Variants in ZIC4 observed in about 807,000 individuals in gnomAD.
ZIC4 encodes the protein zinc finger protein ZIC 4.
In ZIC4, 15 loss-of-function variants were observed where a neutral mutation model predicts 28.8. The observed-to-expected ratio is 0.52, with a 90% CI of 0.35 to 0.80. ZIC4 has a LOEUF of 0.80. Among genes scored for constraint, ZIC4 ranks in the 30% least tolerant of loss-of-function variants. The pLI is 0.01. For missense variants in ZIC4, 512 were observed against 467.1 expected, an observed-to-expected ratio of 1.10 and a Z score of -0.89; for synonymous variants, 220 against 198.1, an observed-to-expected ratio of 1.11 and a Z score of -0.93.
Position 147,392,049 on chromosome 3 carries a change from C to G in ZIC4, c.689-803G>C, listed in dbSNP as rs566799487. On this transcript the variant is annotated intron_variant, in intron 3 of 4. Transcript: ENST00000383075. ...GCTGCTCCAGAGGCTTCCTGGAGACCGTGCTGTGGGCAGCTGGCCCTCCCA... is the reference window on the plus strand; with the variant it reads ...GCTGCTCCAGAGGCTTCCTGGAGACGGTGCTGTGGGCAGCTGGCCCTCCCA... 4.0e-3 allele frequency: 3,946 copies of G among 985,516 alleles called. 16 individuals are homozygous for G. Among genetic ancestry groups the G allele is most frequent in the Non-Finnish European group, 4.5e-3 (3,757 of 830,004 alleles). 61.0% of individuals were successfully genotyped at this position (985,516 alleles called of 1,614,324 possible).
chr3:147,404,305 T>C, intron 1 of ZIC4: 1 of 1,410,186 alleles, frequency 7.1e-7, no homozygotes, highest in Non-Finnish European at 9.2e-7. Context: ...TGTCAGCCTT[T>C]TGTGCACTAC....
chr3:147,389,192 C>A (rs1237456661), intron 4 of ZIC4: 4 of 392,346 alleles, frequency 1.0e-5, no homozygotes, highest in Non-Finnish European at 1.8e-5. Context: ...AGGACGGATT[C>A]ACTAAAGGTG....
At chr3:147,404,528 C>T (rs927249588) in intron 1 of ZIC4, among the ~76,000 whole-genome samples, 1 of 152,186 alleles carries the variant, frequency 6.6e-6, no homozygotes, top group Non-Finnish European at 1.5e-5. Flanking sequence ...TCCTGGGGCC[C>T]GTGGACCTGA....
intron 2 of ZIC4, among the ~76,000 whole-genome samples, chr3:147,400,463 A>T (rs2087142042): frequency 6.6e-6 from 1 of 152,192 alleles, no homozygotes; most frequent in Admixed American, 6.5e-5. Context: ...AGCTGAAAAC[A>T]TCTGGACCCA....
At position 147,399,133 on chromosome 3, in the gene ZIC4, C is replaced by T. The variant is rs372477375; in HGVS notation, c.71-2664G>A. The stretch of plus-strand genomic sequence containing the variant: ...GAAGAGTATTTGACTGCCAGACCCC[C>T]ACTCCCTACTCTCAAAACCAAGGGC... On this transcript the variant is annotated intron_variant, in intron 2 of 4. Coordinates refer to ENST00000383075, the MANE Select transcript of ZIC4 (RefSeq NM_032153.6). Among the ~76,000 whole-genome samples, 185 of 152,192 alleles carry T rather than the reference C, an allele frequency of 1.2e-3. 5 individuals carry two copies. In the South Asian group the frequency reaches 0.036, roughly 30 times the overall value.
chr3:147,395,910 C>A lies in ZIC4; in HGVS notation c.630G>T (p.Gly210=). The A allele has an allele frequency of 6.2e-7, 1 of 1,614,234 alleles. No individual in the cohort carries two copies. Among genetic ancestry groups the A allele is most frequent in the Non-Finnish European group, 8.5e-7 (1 of 1,180,050 alleles). The part of the protein sequence containing the change: ...GEKPFPCPFP[G]CGKVFARSEN... ...CTGATCTAGCAAAGACCTTCCCACA[C>A]CCCGGGAAAGGACAAGGGAAGGGCT... is the stretch of plus-strand genomic sequence containing the variant. Residue 210 remains glycine (G), a synonymous_variant, in exon 3 of 5, where the codon GGG becomes GGT. Transcript: ENST00000383075.
intron 3 of ZIC4, among the ~76,000 whole-genome samples, chr3:147,394,746 C>T (rs2087003050): frequency 6.6e-6 from 1 of 152,226 alleles, no homozygotes; most frequent in Non-Finnish European, 1.5e-5. Flanking sequence ...GGACTTTGGT[C>T]TGGTCTCCGC....
chr3:147,386,215 A>G lies in ZIC4; in HGVS notation c.*2644T>C, dbSNP rs2086795255. ...GGCTTTCAACTTTGTTGTTCATTCA[A>G]CAATCACTTTCAGTCAAACAACTTT... On this transcript the variant is annotated 3_prime_UTR_variant, in exon 5 of 5. Coordinates refer to ENST00000383075, the MANE Select transcript of ZIC4 (RefSeq NM_032153.6). The G allele has an allele frequency of 6.6e-6, 1 of 152,246 alleles. No homozygotes were observed. The highest frequency in any genetic ancestry group is 2.4e-5 in the African/African-American group (1 of 41,462). 9.4% of individuals were successfully genotyped at this position (152,246 alleles called of 1,614,324 possible).
At chr3:147,399,051 G>A (rs990559304) in intron 2 of ZIC4, among the ~76,000 whole-genome samples, 2 of 151,720 alleles carry the variant, frequency 1.3e-5, no homozygotes, top group African/African-American at 4.8e-5. Flanking sequence ...CCTACAGGAA[G>A]AGCTTGGATA....
At position 147,405,080 on chromosome 3, in the gene ZIC4, C is replaced by A. The variant is rs529174169; in HGVS notation, c.-16+1283G>T. Among the ~76,000 whole-genome samples, 3 of 152,362 alleles carry A rather than the reference C, an allele frequency of 2.0e-5. No homozygotes were observed. In the East Asian group the frequency reaches 5.8e-4, roughly 29 times the overall value. ...ACCTTTCTGGCTCCCCTCCATTCGA[C>A]CCTCAAGCGCCAGGAGTTTGCTGAG... On this transcript the variant is annotated intron_variant, in intron 1 of 4. Coordinates refer to ENST00000383075, the MANE Select transcript of ZIC4 (RefSeq NM_032153.6).
intron 2 of ZIC4, among the ~76,000 whole-genome samples, chr3:147,398,390 C>G (rs2087095474): frequency 6.6e-6 from 1 of 152,072 alleles, no homozygotes; most frequent in African/African-American, 2.4e-5. Flanking sequence ...CCTGCAGGCC[C>G]GTGGCCGCCT....
In ZIC4 at chr3:147,388,859, T is replaced by C. The variant is rs2086848552; in HGVS notation, c.1005A>G (p.Ter335TrpextTer15). The C allele has an allele frequency of 1.3e-6, 1 of 780,180 alleles. No homozygotes were observed. Among genetic ancestry groups the C allele is most frequent in the South Asian group, 1.3e-5 (1 of 74,348 alleles). The allele number at this position is 780,180 out of a possible 1,614,324, so 48.3% of individuals were successfully genotyped here. A position where few individuals can be genotyped will look rare whatever the true frequency, so the allele number is the denominator to read the frequency against. Residue 335 changes from the stop codon to tryptophan, a stop_lost and splice_region_variant, in exon 5 of 5, where the codon TGA becomes TGG. Transcript: ENST00000383075. ...TACCTTGCGAGCAACGCGGTGGACA[T>C]CTGTAACAAGCAAATGAAAAATTAA... ...VAARTADLSE[*>W]
chr3:147,396,339 G>A lies in ZIC4; in HGVS notation c.201C>T (p.Leu67=). The A allele has an allele frequency of 1.3e-6, 2 of 1,580,050 alleles. No individual in the cohort carries two copies. Among genetic ancestry groups the A allele is most frequent in the Non-Finnish European group, 1.7e-6 (2 of 1,164,964 alleles). Residue 67 remains leucine (L), a synonymous_variant, in exon 3 of 5, where the codon CTC becomes CTT. Transcript: ENST00000383075. The surrounding 1 kb of genome is among the most constrained non-coding windows in gnomAD (Gnocchi z 4.2). ...RPLNGLLRLG[L]PGDMYARPEP... ...CCGGCCGCGCGTACATGTCTCCAGG[G>A]AGCCCCAGACGCAGGAGTCCATTCA...
intron 4 of ZIC4, 99 bp downstream of exon 4, chr3:147,390,832 C>G (rs1352365566): frequency 7.1e-6 from 10 of 1,415,470 alleles, no homozygotes; most frequent in South Asian, 2.9e-5. Context: ...AGCCCTAATA[C>G]CGGAGGCGGC....
In ZIC4 at chr3:147,396,893, G is replaced by C. The variant is rs1406067379; in HGVS notation, c.71-424C>G. The C allele has an allele frequency of 6.2e-6, 1 of 161,486 alleles. No homozygotes were observed. Among genetic ancestry groups the C allele is most frequent in the Non-Finnish European group, 1.3e-5 (1 of 74,768 alleles). The allele number at this position is 161,486 out of a possible 1,614,324, so 10.0% of individuals were successfully genotyped here. On this transcript the variant is annotated intron_variant, in intron 2 of 4. Transcript: ENST00000383075. The surrounding 1 kb of genome is among the most constrained non-coding windows in gnomAD (Gnocchi z 4.2). ...TGGAGGTGACAGAAATGATGATGTT[G>C]GAGGTGGTGGTGGTTCTGAAGCGCC...
rs2107954579 is a variant in ZIC4, at chr3:147,386,093, A to T, written c.*2766T>A. ...CACATTATTTATTTCCAAAGAAAAT[A>T]GCCAAATGCAGCGCCATGTACACAA... On this transcript the variant is annotated 3_prime_UTR_variant, in exon 5 of 5. Transcript: ENST00000383075. 6.6e-6 allele frequency: 1 copy of T among 152,368 alleles called. No homozygotes were observed. Among genetic ancestry groups the T allele is most frequent in the Admixed American group, 6.5e-5 (1 of 15,312 alleles). 9.4% of individuals were successfully genotyped at this position (152,368 alleles called of 1,614,324 possible). A position where few individuals can be genotyped will look rare whatever the true frequency, so the allele number is the denominator to read the frequency against.
In ZIC4 at chr3:147,390,812, T is replaced by C. The variant is rs2086896290; in HGVS notation, c.1004+119A>G. 1.4e-5 allele frequency: 18 copies of C among 1,275,120 alleles called. 1 individual carries two copies. The South Asian group carries it at 2.5e-4, about 17-fold the overall frequency. 79.0% of individuals were successfully genotyped at this position (1,275,120 alleles called of 1,614,324 possible). On this transcript the variant is annotated intron_variant, in intron 4 of 4. Coordinates refer to ENST00000383075, the MANE Select transcript of ZIC4 (RefSeq NM_032153.6). Reference sequence around the variant, plus strand: ...CATTCGGTGTGTGCGGAAGCAGCAATCACAGAGGCAGCCCTAATACCGGAG... The same window carrying C: ...CATTCGGTGTGTGCGGAAGCAGCAACCACAGAGGCAGCCCTAATACCGGAG...
chr3:147,400,233 G>A (rs2087137330), intron 2 of ZIC4, among the ~76,000 whole-genome samples: 1 of 152,108 alleles, frequency 6.6e-6, no homozygotes, highest in Non-Finnish European at 1.5e-5. Flanking sequence ...TCTAACCACT[G>A]ACTCTCTGGA....
chr3:147,405,478 C>T, intron 1 of ZIC4: 1 of 1,537,250 alleles, frequency 6.5e-7, no homozygotes, highest in Non-Finnish European at 8.7e-7. Context: ...TCATCAACCC[C>T]AACTTTCAGA....
Sources: allele counts gnomAD v4.1 joint callset (sites outside exome capture counted in the v4.1 genomes callset), GRCh38; gene constraint gnomAD v4.1.1; non-coding constraint Gnocchi (gnomAD v3.1); transcripts MANE v1.5; gene names NCBI Gene and HGNC (gene_info 2026-07-23, HGNC 2026-07-21).